The following WDFY4 variants were observed in gnomAD, a reference collection of about 807,000 sequenced individuals.
WDFY4 encodes the protein WDFY family member 4, also known as WD repeat- and FYVE domain-containing protein 4.
A neutral mutation model predicts 351.9 loss-of-function variants in WDFY4; 169 were observed. That is an observed-to-expected ratio of 0.48 (90% CI 0.42 to 0.55). The LOEUF (loss-of-function observed/expected upper bound fraction) is 0.55. WDFY4 is among the 20% of genes least tolerant of loss of function. The probability of loss-of-function intolerance (pLI) is 0.00; values close to 1 mark genes in which losing one functional copy is unlikely to be tolerated. For missense variants in WDFY4, 3,803 were observed against 3,935.6 expected, an observed-to-expected ratio of 0.97 and a Z score of 0.90; for synonymous variants, 1,622 against 1,574.6, an observed-to-expected ratio of 1.03 and a Z score of -0.71.
intron 47 of WDFY4, among the ~76,000 whole-genome samples, chr10:48,936,279 C>A (rs1262223576): frequency 2.0e-5 from 3 of 151,542 alleles, no homozygotes; most frequent in African/African-American, 7.3e-5. Context: ...TGTTTTAAGT[C>A]CAAAAAATAA....
intron 2 of WDFY4, among the ~76,000 whole-genome samples, chr10:48,712,809 C>G (rs1048101942): frequency 2.0e-5 from 3 of 150,080 alleles, no homozygotes; most frequent in Admixed American, 1.3e-4. Flanking sequence ...ATGAAGTTCC[C>G]CCTTGGAAAT....
chr10:48,776,673 A>G (rs1339667627), intron 15 of WDFY4, 77 bp from the exon 16 acceptor site: 7 of 1,323,026 alleles, frequency 5.3e-6, no homozygotes, highest in Middle Eastern at 5.3e-4. Context: ...TGCGGCAGAT[A>G]CTTTGGGGTT....
At chr10:48,701,127 T>C (rs2063468929) in intron 1 of WDFY4, among the ~76,000 whole-genome samples, 1 of 152,234 alleles carries the variant, frequency 6.6e-6, no homozygotes, top group Non-Finnish European at 1.5e-5. Context: ...TTCACCTTTC[T>C]GGCTCTATGA....
chr10:48,915,402 G>A (rs1225473387), intron 47 of WDFY4, among the ~76,000 whole-genome samples: 1 of 141,074 alleles, frequency 7.1e-6, no homozygotes, highest in African/African-American at 2.6e-5. Context: ...GGCCTCCTGT[G>A]CCTCCTGCTT....
chr10:48,839,925 TGC>T, intron 39 of WDFY4, among the ~76,000 whole-genome samples: 1 of 152,248 alleles, frequency 6.6e-6, no homozygotes, highest in Non-Finnish European at 1.5e-5. Flanking sequence ...TGGTGGGCAA[TGC>T]TGCCAAGGAC....
intron 59 of WDFY4, among the ~76,000 whole-genome samples, chr10:48,978,099 T>G (rs1278644710): frequency 6.6e-6 from 1 of 152,148 alleles, no homozygotes; most frequent in Non-Finnish European, 1.5e-5. Context: ...TCATTCAAGG[T>G]GCAACTGTGA....
intron 11 of WDFY4, 158 bp downstream of exon 11, chr10:48,736,228 C>T (rs1318418860): frequency 1.2e-5 from 9 of 780,206 alleles, no homozygotes; most frequent in East Asian, 1.1e-4. Flanking sequence ...ACAAATAAAT[C>T]CCATATCCTC....
intron 57 of WDFY4, among the ~76,000 whole-genome samples, chr10:48,971,244 A>G (rs1842324006): frequency 6.6e-6 from 1 of 152,146 alleles, no homozygotes; most frequent in African/African-American, 2.4e-5. Context: ...CGCCTGTAAT[A>G]CCAGCACTTT....
At chr10:48,687,124 A>G (rs77744334) in intron 1 of WDFY4, among the ~76,000 whole-genome samples, 3,379 of 152,244 alleles carry the variant, frequency 0.022, 135 homozygotes, top group African/African-American at 0.078. Flanking sequence ...CTAAGGTTGG[A>G]CATCTTTTTC....
Position 48,963,993 on chromosome 10 carries a change from A to C in WDFY4, c.8375A>C (p.Asp2792Ala). ...AGAATGGACCTCAGCAGCATCACTG[A>C]CCCCCTCATCAAAAGCACCATCCTG... is the stretch of plus-strand genomic sequence containing the variant. ...GDRMDLSSITDPLIKSTILGF... is the reference protein window; with the variant it reads ...GDRMDLSSITAPLIKSTILGF... Residue 2792 changes from aspartate to alanine, a missense_variant, in exon 54 of 62, where the codon GAC (aspartate) becomes GCC (alanine). Physicochemically the swap from Asp to Ala is moderately radical, Grantham distance 126 (BLOSUM62 -2). Coordinates refer to ENST00000325239, the MANE Select transcript of WDFY4 (RefSeq NM_001394531.1). 1 of 1,550,226 alleles carries C rather than the reference A, an allele frequency of 6.5e-7. No homozygotes were observed.
intron 60 of WDFY4, chr10:48,979,046 A>G (rs1293564586): frequency 2.6e-5 from 4 of 152,336 alleles, no homozygotes; most frequent in African/African-American, 7.2e-5. Flanking sequence ...GCAAGTACAC[A>G]CAGGCATTTG....
intron 20 of WDFY4, among the ~76,000 whole-genome samples, chr10:48,787,886 TTCTTCTCCTTCTTCTTC>T (rs2066489807): frequency 2.4e-5 from 2 of 82,124 alleles, no homozygotes; most frequent in Admixed American, 2.3e-4. Context: ...TTCTTTCTTC[TTCTTCTCCTTCTTCTTC>T]TTCTTCTTCT....
At chr10:48,867,431 T>C in intron 40 of WDFY4, 89 bp downstream of exon 40, 2 of 811,574 alleles carry the variant, frequency 2.5e-6, no homozygotes, top group East Asian at 3.7e-5. Context: ...TTGGTTTACG[T>C]TCTGGATTGC....
At chr10:48,699,606 T>G (rs562563800) in intron 1 of WDFY4, among the ~76,000 whole-genome samples, 1 of 152,250 alleles carries the variant, frequency 6.6e-6, no homozygotes, top group Admixed American at 6.5e-5. Flanking sequence ...CATCTGAAAA[T>G]GGTATCCCTA....
chr10:48,875,473 G>A (rs2069960933), intron 42 of WDFY4, among the ~76,000 whole-genome samples: 1 of 152,198 alleles, frequency 6.6e-6, no homozygotes, highest in Admixed American at 6.5e-5. Context: ...GGGGTGCAGT[G>A]GCATAATCAC....
intron 1 of WDFY4, among the ~76,000 whole-genome samples, chr10:48,702,199 G>T (rs2063497534): frequency 6.6e-6 from 1 of 152,024 alleles, no homozygotes; most frequent in Admixed American, 6.5e-5. Flanking sequence ...AACACACCAT[G>T]AGGCAGCAAA....
intron 13 of WDFY4, among the ~76,000 whole-genome samples, chr10:48,770,222 G>A (rs1427799165): frequency 6.6e-6 from 1 of 152,142 alleles, no homozygotes; most frequent in Non-Finnish European, 1.5e-5. Context: ...GAGTAAACTT[G>A]TGGCATCATT....
chr10:48,859,994 T>C (rs1047809032), intron 39 of WDFY4, among the ~76,000 whole-genome samples: 7 of 152,238 alleles, frequency 4.6e-5, no homozygotes, highest in Non-Finnish European at 5.9e-5. Flanking sequence ...GTACAGTTCC[T>C]GGTATTACCT....
intron 47 of WDFY4, among the ~76,000 whole-genome samples, chr10:48,931,729 C>A (rs767305905): frequency 5.3e-5 from 8 of 152,230 alleles, no homozygotes; most frequent in Non-Finnish European, 1.2e-4. Context: ...TCTGTAGAAA[C>A]TTTTCCTAAA....
Sources: gnomAD v4.1 joint callset for allele counts (sites outside exome capture counted in the v4.1 genomes callset) on GRCh38, gnomAD v4.1.1 for gene constraint, MANE v1.5 for transcripts, NCBI Gene and HGNC (gene_info 2026-07-23, HGNC 2026-07-21) for gene names.